The following GRIA1 variants were observed in gnomAD, a reference collection of about 807,000 sequenced individuals.
The protein encoded by GRIA1 is glutamate ionotropic receptor AMPA type subunit 1, also known as glutamate receptor 1.
Under a neutral mutation model 99.2 loss-of-function variants are expected in GRIA1, and 31 were observed. That is an observed-to-expected ratio of 0.31 (90% CI 0.23 to 0.42). The LOEUF (loss-of-function observed/expected upper bound fraction) is 0.42. Ranked by LOEUF, GRIA1 falls within the 10% of genes least tolerant of loss-of-function variation. The pLI, the probability that GRIA1 is intolerant of heterozygous loss-of-function variation, is 1.00. For missense variants in GRIA1, 782 were observed against 1,157.5 expected (o/e 0.68, Z 4.71); for synonymous variants, 438 against 432.4 (o/e 1.01, Z -0.16).
At chr5:153,587,997 G>A (rs1241655658) in intron 2 of GRIA1, among the ~76,000 whole-genome samples, 1 of 152,138 alleles carries the variant, frequency 6.6e-6, no homozygotes, top group Non-Finnish European at 1.5e-5. Context: ...AAAATCTTAG[G>A]TTCTAAAAAA....
At chr5:153,698,490 A>G (rs1287367875) in intron 9 of GRIA1, among the ~76,000 whole-genome samples, 1 of 152,210 alleles carries the variant, frequency 6.6e-6, no homozygotes, top group Admixed American at 6.5e-5. Context: ...AGTCCAATAC[A>G]TAAAGTAGCT....
At chr5:153,565,383 C>T (rs1308919241) in intron 2 of GRIA1, among the ~76,000 whole-genome samples, 1 of 152,168 alleles carries the variant, frequency 6.6e-6, no homozygotes, top group Non-Finnish European at 1.5e-5. Context: ...AAGCAATTGT[C>T]ACCTTTCCCA....
intron 12 of GRIA1, among the ~76,000 whole-genome samples, chr5:153,768,544 G>T (rs552855158): frequency 2.0e-5 from 3 of 152,210 alleles, no homozygotes; most frequent in East Asian, 1.9e-4. Context: ...TATTAAAACT[G>T]AAGTTTTAAT....
chr5:153,677,028 T>C lies in GRIA1; in HGVS notation c.896T>C (p.Val299Ala). ...TSALTYDGVK[V>A]MAEAFQSLRR... Reference sequence around the variant, plus strand: ...GCGCTCACCTACGATGGGGTGAAGGTGATGGCTGAGGCTTTCCAGAGCCTG... The same window carrying C: ...GCGCTCACCTACGATGGGGTGAAGGCGATGGCTGAGGCTTTCCAGAGCCTG... Residue 299 changes from valine (V) to alanine (A), a missense_variant, in exon 7 of 16, where the codon GTG (valine) becomes GCG (alanine). Physicochemically the swap from Val to Ala is moderately conservative, Grantham distance 64 (BLOSUM62 0). Coordinates refer to ENST00000285900, the MANE Select transcript of GRIA1 (RefSeq NM_000827.4). 2 of 1,556,710 alleles carry C rather than the reference T, an allele frequency of 1.3e-6. 1 individual carries two copies. Among genetic ancestry groups the C allele is most frequent in the South Asian group, 2.4e-5 (2 of 82,658 alleles).
chr5:153,573,699 A>G (rs1762308511), intron 2 of GRIA1, among the ~76,000 whole-genome samples: 1 of 152,100 alleles, frequency 6.6e-6, no homozygotes, highest in African/African-American at 2.4e-5. Flanking sequence ...ATTTCCAGGG[A>G]GCAAATATAT....
At chr5:153,667,644 G>A (rs1405652520) in intron 5 of GRIA1, among the ~76,000 whole-genome samples, 6 of 152,192 alleles carry the variant, frequency 3.9e-5, no homozygotes, top group African/African-American at 9.7e-5. Flanking sequence ...TGATGTAGGT[G>A]CTATATCTGC....
At chr5:153,633,872 G>C (rs1753151197) in intron 2 of GRIA1, among the ~76,000 whole-genome samples, 1 of 152,128 alleles carries the variant, frequency 6.6e-6, no homozygotes, top group Admixed American at 6.5e-5. Flanking sequence ...CAGGCACTGT[G>C]GTAGATGCTA....
At chr5:153,804,084 C>T (rs982401494) in intron 15 of GRIA1, among the ~76,000 whole-genome samples, 6 of 152,054 alleles carry the variant, frequency 3.9e-5, no homozygotes, top group Admixed American at 6.6e-5. Context: ...TTTTATGGGC[C>T]GATCCCTCAC....
chr5:153,602,374 C>T (rs1765052851), intron 2 of GRIA1, among the ~76,000 whole-genome samples: 1 of 141,358 alleles, frequency 7.1e-6, no homozygotes, highest in African/African-American at 2.6e-5. Flanking sequence ...ACACTGGGGC[C>T]TGTTGTGGGG....
chr5:153,780,224 C>T (rs1561854977), intron 13 of GRIA1, among the ~76,000 whole-genome samples: 1 of 152,148 alleles, frequency 6.6e-6, no homozygotes, highest in Admixed American at 6.5e-5. Context: ...CAAAGGAAGA[C>T]CAGGAAAGAG....
chr5:153,771,387 T>C (rs976485797), intron 13 of GRIA1, among the ~76,000 whole-genome samples: 2 of 152,202 alleles, frequency 1.3e-5, no homozygotes, highest in Non-Finnish European at 2.9e-5. Flanking sequence ...CATCTGGATA[T>C]GACATCTGGG....
At chr5:153,537,369 G>A (rs1050641420) in intron 2 of GRIA1, among the ~76,000 whole-genome samples, 8 of 152,132 alleles carry the variant, frequency 5.3e-5, no homozygotes, top group East Asian at 1.9e-4. Context: ...CCTGCCTAGC[G>A]AAGGGCCCCG....
At chr5:153,653,098 A>G (rs1041859080) in intron 4 of GRIA1, among the ~76,000 whole-genome samples, 4 of 152,218 alleles carry the variant, frequency 2.6e-5, no homozygotes, top group Non-Finnish European at 5.9e-5. Context: ...TTTTTGTTTT[A>G]TTTTCTTCCC....
intron 2 of GRIA1, among the ~76,000 whole-genome samples, chr5:153,530,124 A>G (rs487362): frequency 0.35 from 53,765 of 152,074 alleles, 9,901 homozygotes; most frequent in African/African-American, 0.46. Context: ...CCATCAGCCC[A>G]TTCTTACAGA....
intron 2 of GRIA1, among the ~76,000 whole-genome samples, chr5:153,563,626 A>C (rs1027723289): frequency 6.6e-6 from 1 of 152,202 alleles, no homozygotes. Context: ...CTTTCCATCA[A>C]ATATGTGTAA....
At chr5:153,753,034 G>A (rs1762597815) in intron 11 of GRIA1, among the ~76,000 whole-genome samples, 2 of 152,204 alleles carry the variant, frequency 1.3e-5, no homozygotes, top group Non-Finnish European at 2.9e-5. Context: ...CAAGGAAACA[G>A]TGACCTCAAT....
At chr5:153,525,576 G>A (rs1021425983) in intron 2 of GRIA1, 7 of 151,828 alleles carry the variant, frequency 4.6e-5, no homozygotes, top group African/African-American at 1.7e-4. Flanking sequence ...CTGGGCACTG[G>A]TTCCCTCTGC....
At chr5:153,666,694 G>A (rs1416110781) in intron 5 of GRIA1, among the ~76,000 whole-genome samples, 2 of 152,190 alleles carry the variant, frequency 1.3e-5, no homozygotes, top group Non-Finnish European at 2.9e-5. Flanking sequence ...TAATGGGAAT[G>A]ATAATAGTAC....
intron 4 of GRIA1, among the ~76,000 whole-genome samples, chr5:153,650,955 C>T (rs898244456): frequency 6.7e-6 from 1 of 149,848 alleles, no homozygotes; most frequent in African/African-American, 2.4e-5. Flanking sequence ...CCCATAATCC[C>T]AGCTACTCAG....
Sources: allele counts gnomAD v4.1 joint callset (sites outside exome capture counted in the v4.1 genomes callset), GRCh38; gene constraint gnomAD v4.1.1; transcripts MANE v1.5; gene names NCBI Gene and HGNC (gene_info 2026-07-23, HGNC 2026-07-21).